Variants in KIF14 observed in about 807,000 individuals in gnomAD.
KIF14 encodes kinesin family member 14.
KIF14 carries 98 observed loss-of-function variants against 176.2 expected under a neutral mutation model. That is an observed-to-expected ratio of 0.56 (90% CI 0.47 to 0.66). The LOEUF (loss-of-function observed/expected upper bound fraction) is 0.66. Among genes scored for constraint, KIF14 ranks in the 30% least tolerant of loss-of-function variants. The pLI is 0.00. For synonymous variants in KIF14, 566 were observed against 632.2 expected (o/e 0.90, Z 1.57); for missense variants, 1,751 against 1,920.4 (o/e 0.91, Z 1.65).
At position 200,557,709 on chromosome 1, in the gene KIF14, C is replaced by T. The variant is rs1290391649; in HGVS notation, c.4353+1621G>A. On this transcript the variant is annotated intron_variant, in intron 27 of 29. Transcript: ENST00000367350. ...CAGATTCTAAGATGAGCTAGAAGTA[C>T]ATTAATACCAAAGTTTTTCTAAACA... Among the ~76,000 whole-genome samples the T allele has an allele frequency of 2.0e-5, 3 of 152,126 alleles. No individual in the cohort carries two copies. In the East Asian group the frequency reaches 5.8e-4, roughly 29 times the overall value.
Position 200,618,375 on chromosome 1 carries a change from T to C in KIF14, c.349A>G (p.Thr117Ala), listed in dbSNP as rs759306832. The change falls in exon 2 of 30, where the codon ACA (threonine) becomes GCA (alanine). Residue 117 changes from threonine (T) to alanine (A), a missense_variant. Physicochemically the swap from Thr to Ala is moderately conservative, Grantham distance 58. Transcript: ENST00000367350. Reference sequence around the variant, plus strand: ...GCACGACGTTGTAATGTAAGACGTGTTTCTGCTGTTTTTTCAGTTGTGTCT... The same window carrying C: ...GCACGACGTTGTAATGTAAGACGTGCTTCTGCTGTTTTTTCAGTTGTGTCT... Reference protein sequence around the residue: ...LEDTTEKTAETRLTLQRRAKT... With the variant: ...LEDTTEKTAEARLTLQRRAKT... 3 of 1,614,138 alleles carry C rather than the reference T, an allele frequency of 1.9e-6. No homozygotes were observed. In the South Asian group the frequency reaches 3.3e-5, roughly 18 times the overall value.
chr1:200,614,432 G>A (rs762740081), intron 3 of KIF14, 27 bp from the exon 4 acceptor site: 1 of 1,318,674 alleles, frequency 7.6e-7, no homozygotes, highest in South Asian at 1.2e-5. Flanking sequence ...GAATAAGGGG[G>A]AAATAAAACT....
Position 200,565,161 on chromosome 1 carries a change from C to A in KIF14, c.3979G>T (p.Asp1327Tyr). The A allele has an allele frequency of 6.2e-7, 1 of 1,613,944 alleles. No homozygotes were observed. Among genetic ancestry groups the A allele is most frequent in the South Asian group, 1.1e-5 (1 of 91,066 alleles). The change falls in exon 25 of 30, where the codon GAT (aspartate) becomes TAT (tyrosine). Residue 1327 changes from aspartate (D) to tyrosine (Y), a missense_variant. Transcript: ENST00000367350. The part of the protein sequence containing the change: ...LVVLMKHWLS[D>Y]LLPCTNIARL... ...GCTATGTTGGTACAAGGCAGTAAAT[C>A]ACTCAGCCAGTGTTTCATTAGCACT...
intron 22 of KIF14, among the ~76,000 whole-genome samples, chr1:200,572,826 C>G (rs375245733): frequency 3.9e-5 from 6 of 152,122 alleles, no homozygotes; most frequent in Non-Finnish European, 8.8e-5. Flanking sequence ...TTGGGTTACT[C>G]TAGGTTGGCT....
intron 25 of KIF14, among the ~76,000 whole-genome samples, chr1:200,563,772 A>C (rs557628770): frequency 6.6e-6 from 1 of 152,318 alleles, no homozygotes; most frequent in East Asian, 1.9e-4. Context: ...TAGATGACTA[A>C]GTATTCTCCA....
Position 200,598,346 on chromosome 1 carries a change from CAGAT to C in KIF14, c.2436_2439del (p.Ser813ArgfsTer6), listed in dbSNP as rs866613115. ...TCTTTTATCATATATAGCAGCATCTCAGATAGTTGTGGATCTTCATTCAGATTAA... is the reference window on the plus strand; with the variant it reads ...TCTTTTATCATATATAGCAGCATCTCAGTTGTGGATCTTCATTCAGATTAA... On this transcript the variant is annotated frameshift_variant, in exon 14 of 30. Coordinates refer to ENST00000367350, the MANE Select transcript of KIF14 (RefSeq NM_014875.3). LOFTEE classifies it high-confidence loss of function. 9.9e-6 allele frequency: 16 copies of C among 1,612,906 alleles called. No individual in the cohort carries two copies. The highest frequency in any genetic ancestry group is 1.3e-5 in the African/African-American group (1 of 74,852).
chr1:200,564,886 T>C (rs1219237816), intron 25 of KIF14, among the ~76,000 whole-genome samples, 183 bp downstream of exon 25: 1 of 152,216 alleles, frequency 6.6e-6, no homozygotes, highest in African/African-American at 2.4e-5. Flanking sequence ...TACTCATACA[T>C]AGAGAGCCAT....
intron 10 of KIF14, 63 bp downstream of exon 10, chr1:200,603,163 A>T: frequency 1.0e-6 from 1 of 988,994 alleles, no homozygotes; most frequent in Non-Finnish European, 1.5e-6. Flanking sequence ...TCAGTCTATC[A>T]TTCTTTTCCC....
intron 26 of KIF14, among the ~76,000 whole-genome samples, chr1:200,560,467 T>A (rs543855423): frequency 6.6e-6 from 1 of 152,192 alleles, no homozygotes; most frequent in East Asian, 1.9e-4. Flanking sequence ...AGACGGGTGT[T>A]TCGCCTATTG....
chr1:200,586,782 TATAC>T (rs200003172), intron 18 of KIF14, among the ~76,000 whole-genome samples: 2,489 of 61,954 alleles, frequency 0.04, 30 homozygotes, highest in African/African-American at 0.083. Context: ...TGTATATATA[TATAC>T]ATACATATAT....
chr1:200,589,400 G>C, intron 17 of KIF14, 31 bp from the exon 18 acceptor site: 1 of 1,551,120 alleles, frequency 6.4e-7, no homozygotes, highest in Non-Finnish European at 8.7e-7. Flanking sequence ...AAATATCTCA[G>C]GCAAAAACCG....
intron 4 of KIF14, among the ~76,000 whole-genome samples, chr1:200,612,881 CTTTTTTT>C (rs58120760): frequency 1.3e-4 from 10 of 79,128 alleles, no homozygotes; most frequent in East Asian, 7.7e-4. Context: ...AGTTTATTCT[CTTTTTTT>C]TTTTTTTTTT....
At chr1:200,608,294 T>C (rs890379734) in intron 5 of KIF14, among the ~76,000 whole-genome samples, 1 of 152,074 alleles carries the variant, frequency 6.6e-6, no homozygotes, top group African/African-American at 2.4e-5. Context: ...TTTATACAAT[T>C]CTTCATTAAA....
chr1:200,574,567 A>G (rs1343906609), intron 22 of KIF14, among the ~76,000 whole-genome samples: 1 of 152,228 alleles, frequency 6.6e-6, no homozygotes, highest in Non-Finnish European at 1.5e-5. Context: ...TTCAGGACAG[A>G]GCATACTTTG....
Position 200,600,485 on chromosome 1 carries a change from G to C in KIF14, c.2171C>G (p.Ala724Gly). ...GTTTCTCTGAGCAGCTTTTAGCTTT[G>C]CAATTTCTGCCTTCAATTCTGAAGA... ...KLIRELKAEI[A>G]KLKAAQRNSR... Residue 724 changes from alanine (A) to glycine (G), a missense_variant, in exon 12 of 30, where the codon GCA becomes GGA. By Grantham distance (60) the Ala-to-Gly change is moderately conservative. Coordinates refer to ENST00000367350, the MANE Select transcript of KIF14 (RefSeq NM_014875.3). 1 of 1,612,704 alleles carries C rather than the reference G, an allele frequency of 6.2e-7. No individual in the cohort carries two copies.
chr1:200,605,155 A>C, intron 8 of KIF14, 128 bp downstream of exon 8: 2 of 846,508 alleles, frequency 2.4e-6, no homozygotes, highest in Non-Finnish European at 3.8e-6. Flanking sequence ...TGGAAAAAAA[A>C]TACCTTGGTC....
chr1:200,590,226 T>C lies in KIF14; in HGVS notation c.2860A>G (p.Met954Val). 1 of 1,613,978 alleles carries C rather than the reference T, an allele frequency of 6.2e-7. No homozygotes were observed. The highest frequency in any genetic ancestry group is 1.1e-5 in the South Asian group (1 of 91,076). The change falls in exon 17 of 30, where the codon ATG (methionine) becomes GTG (valine). Residue 954 changes from methionine to valine, a missense_variant. Coordinates refer to ENST00000367350, the MANE Select transcript of KIF14 (RefSeq NM_014875.3). ...TTTGCAATCTGGATTCCTTGCATCA[T>C]TTCTTCCTTTGCCTTCAACTGAGCC... is the stretch of plus-strand genomic sequence containing the variant. ...KEAQLKAKEE[M>V]MQGIQIAKEM...
intron 21 of KIF14, among the ~76,000 whole-genome samples, chr1:200,578,892 C>T (rs1305136487): frequency 1.3e-5 from 2 of 151,304 alleles, no homozygotes; most frequent in Non-Finnish European, 1.5e-5. Context: ...GAGATCGAGA[C>T]CATCCTGGCT....
In KIF14 at chr1:200,560,817, G is replaced by A. The variant is rs777163033; in HGVS notation, c.4135C>T (p.Gln1379Ter). ...EAQKNAIQIV[Q>*]QAVKYVGQLA... ...TGCCCCACATACTTTACAGCTTGTT[G>A]TACAATTTGGATTGCATTCTTTTGA... Residue 1379 changes from glutamine (Q) to a stop codon, truncating the protein, a stop_gained, in exon 26 of 30, where the codon CAA becomes TAA. Coordinates refer to ENST00000367350, the MANE Select transcript of KIF14 (RefSeq NM_014875.3). LOFTEE classifies it high-confidence loss of function. 5 of 1,613,906 alleles carry A rather than the reference G, an allele frequency of 3.1e-6. No individual in the cohort carries two copies. The highest frequency in any genetic ancestry group is 8.5e-7 in the Non-Finnish European group (1 of 1,179,786).
Sources: gnomAD v4.1 joint callset for allele counts (sites outside exome capture counted in the v4.1 genomes callset) on GRCh38, gnomAD v4.1.1 for gene constraint, MANE v1.5 for transcripts, NCBI Gene and HGNC (gene_info 2026-07-23, HGNC 2026-07-21) for gene names.